HTR2A: variants seen among roughly 807,000 people sequenced by gnomAD.
The protein encoded by HTR2A is 5-HT2 receptor.
Under a neutral mutation model 31.0 loss-of-function variants are expected in HTR2A, and 14 were observed. That is an observed-to-expected ratio of 0.45 (90% confidence interval 0.30 to 0.71). The LOEUF (loss-of-function observed/expected upper bound fraction) is 0.71. HTR2A is among the 30% of genes least tolerant of loss of function. The pLI, the probability that HTR2A is intolerant of heterozygous loss-of-function variation, is 0.09. For synonymous variants in HTR2A, 209 were observed against 225.2 expected (o/e 0.93, Z 0.64); for missense variants, 442 against 573.3 (o/e 0.77, Z 2.34).
chr13:46,858,303 C>T (rs565613993), intron 3 of HTR2A, among the ~76,000 whole-genome samples: 3 of 152,002 alleles, frequency 2.0e-5, no homozygotes, highest in Non-Finnish European at 2.9e-5. Context: ...TCAGGCAGCT[C>T]TCAGGGCAAG....
At position 46,896,206 on chromosome 13, in the gene HTR2A, T is replaced by C. The variant is rs1951103612; in HGVS notation, c.-300A>G. 8.6e-7 allele frequency: 1 copy of C among 1,158,736 alleles called. No individual in the cohort carries two copies. The highest frequency in any genetic ancestry group is 1.1e-6 in the Non-Finnish European group (1 of 942,424). 71.8% of individuals were successfully genotyped at this position (1,158,736 alleles called of 1,614,324 possible). On this transcript the variant is annotated 5_prime_UTR_variant, in exon 2 of 4. Coordinates refer to ENST00000542664, the MANE Select transcript of HTR2A (RefSeq NM_000621.5). ...CTTTTAGCATAGAGGTTGCAGGGTT[T>C]TTTTTGAGCGCTCGGGAAGATAAAT...
Position 46,835,167 on chromosome 13 carries a change from G to A in HTR2A, c.1086C>T (p.Leu362=). ...GATAACCGATCCAAACAAACACATT[G>A]AGCAGGGCCCCAATGACATCCTCAT... ...SCNEDVIGAL[L]NVFVWIGYLS... is the part of the protein sequence containing the mutation. Residue 362 remains leucine (L), a synonymous_variant, in exon 4 of 4, where the codon CTC becomes CTT. Transcript: ENST00000542664. The A allele has an allele frequency of 6.2e-7, 1 of 1,614,100 alleles. No individual in the cohort carries two copies. Among genetic ancestry groups the A allele is most frequent in the Non-Finnish European group, 8.5e-7 (1 of 1,179,982 alleles).
At chr13:46,888,427 A>T (rs1414132516) in intron 3 of HTR2A, among the ~76,000 whole-genome samples, 3 of 152,050 alleles carry the variant, frequency 2.0e-5, no homozygotes, top group Admixed American at 2.0e-4. Flanking sequence ...TACAAACAAA[A>T]AATATAAGCC....
chr13:46,865,524 C>T (rs1450419340), intron 3 of HTR2A, among the ~76,000 whole-genome samples: 2 of 152,154 alleles, frequency 1.3e-5, no homozygotes, highest in African/African-American at 4.8e-5. Flanking sequence ...AGATGCTGAC[C>T]TAAACCAGTC....
intron 3 of HTR2A, among the ~76,000 whole-genome samples, chr13:46,867,878 C>T (rs1422280147): frequency 6.6e-6 from 1 of 152,122 alleles, no homozygotes; most frequent in Non-Finnish European, 1.5e-5. Context: ...CAAAACCTGC[C>T]TTTAAGTCTT....
chr13:46,845,656 A>AG (rs951090695), intron 3 of HTR2A, among the ~76,000 whole-genome samples: 26 of 151,124 alleles, frequency 1.7e-4, no homozygotes, highest in African/African-American at 6.1e-4. Context: ...AAAAAAAAAA[A>AG]AAAAGAAAAA....
Position 46,896,887 on chromosome 13 carries a change from ACGGCT to A in HTR2A, c.-547_-543del, listed in dbSNP as rs1325526957. Reference sequence around the variant, plus strand: ...TAGGATCCTGTTGGCTTCCTCTGGCACGGCTCGGCTGGGTTCCTCCCTCCCTGTGC... The same window carrying A: ...TAGGATCCTGTTGGCTTCCTCTGGCACGGCTGGGTTCCTCCCTCCCTGTGC... On this transcript the variant is annotated 5_prime_UTR_variant, in exon 1 of 4. The change creates a premature stop within an existing upstream ORF in the 5' untranslated region. Transcript: ENST00000542664. The A allele has an allele frequency of 6.7e-7, 1 of 1,496,220 alleles. No individual in the cohort carries two copies. The highest frequency in any genetic ancestry group is 9.0e-7 in the Non-Finnish European group (1 of 1,114,552). The allele number at this position is 1,496,220 out of a possible 1,614,324, so 92.7% of individuals were successfully genotyped here. A position where few individuals can be genotyped will look rare whatever the true frequency, so the allele number is the denominator to read the frequency against.
rs999896465 is a variant in HTR2A, at chr13:46,888,469, T to TG, written c.613+3920dup. Among the ~76,000 whole-genome samples, 83 of 69,672 alleles carry TG rather than the reference T, an allele frequency of 1.2e-3. 1 individual carries two copies. Among genetic ancestry groups the TG allele is most frequent in the African/African-American group, 4.2e-3 (67 of 16,018 alleles). The allele number at this position is 69,672 out of a possible 152,430, so 45.7% of individuals were successfully genotyped here. On this transcript the variant is annotated intron_variant, in intron 3 of 3. Transcript: ENST00000542664. ...GTTGGATTTGCCACCTATGAAGTGC[T>TG]GAAAAAAAAAAAAGATGACTGTCAA...
intron 3 of HTR2A, among the ~76,000 whole-genome samples, chr13:46,864,351 T>C (rs577336440): frequency 6.6e-6 from 1 of 152,322 alleles, no homozygotes; most frequent in African/African-American, 2.4e-5. Flanking sequence ...ACTTGTGCCA[T>C]GACACAAGTT....
Position 46,831,748 on chromosome 13 carries a change from T to C in HTR2A, c.*3089A>G, listed in dbSNP as rs973308250. ...TGCTGAAAGCAGTACAGTGACTTAG[T>C]TCAATTTGGCTACGGTAGCACTTTA... On this transcript the variant is annotated 3_prime_UTR_variant, in exon 4 of 4. Transcript: ENST00000542664. 2 of 152,356 alleles carry C rather than the reference T, an allele frequency of 1.3e-5. No homozygotes were observed. Among genetic ancestry groups the C allele is most frequent in the East Asian group, 1.9e-4 (1 of 5,190 alleles). 9.4% of individuals were successfully genotyped at this position (152,356 alleles called of 1,614,324 possible).
chr13:46,896,437 T>G (rs1041091067), intron 1 of HTR2A, among the ~76,000 whole-genome samples: 1 of 152,226 alleles, frequency 6.6e-6, no homozygotes, highest in Non-Finnish European at 1.5e-5. Flanking sequence ...TTGGATGTAC[T>G]TTGGGTTACA....
rs760992919 is a variant in HTR2A at position 46,835,335 on chromosome 13, G to T, written c.918C>A (p.Tyr306Ter). The T allele has an allele frequency of 1.2e-6, 2 of 1,614,124 alleles. No homozygotes were observed. Among genetic ancestry groups the T allele is most frequent in the Non-Finnish European group, 1.7e-6 (2 of 1,180,010 alleles). ...QRSIHREPGS[Y>*]TGRRTMQSIS... is the part of the protein sequence containing the mutation. ...TGGACTGCATAGTCCTCCTGCCTGT[G>T]TAGGACCCTGGCTCCCTATGGATCG... The change falls in exon 4 of 4, where the codon TAC becomes TAA. Residue 306 changes from tyrosine (Y) to a stop codon, truncating the protein, a stop_gained. Transcript: ENST00000542664. LOFTEE classifies it high-confidence loss of function.
At chr13:46,859,429 T>C (rs1950764094) in intron 3 of HTR2A, among the ~76,000 whole-genome samples, 1 of 152,184 alleles carries the variant, frequency 6.6e-6, no homozygotes, top group Non-Finnish European at 1.5e-5. Context: ...GATTATAAGG[T>C]CCTTCAGGGT....
At chr13:46,893,743 C>T (rs78278527) in intron 2 of HTR2A, among the ~76,000 whole-genome samples, 10,224 of 152,188 alleles carry the variant, frequency 0.067, 404 homozygotes, top group African/African-American at 0.11. Context: ...GTTATGTAAA[C>T]CTTAATTAGT....
Position 46,873,653 on chromosome 13 carries a change from G to T in HTR2A, c.613+18737C>A, listed in dbSNP as rs529949983. Among the ~76,000 whole-genome samples the T allele has an allele frequency of 3.8e-4, 57 of 151,878 alleles. No homozygotes were observed. The East Asian group carries it at 0.011, about 28-fold the overall frequency. On this transcript the variant is annotated intron_variant, in intron 3 of 3. Transcript: ENST00000542664. ...GATGTTCCCCTTCCTGTGTCCATGT[G>T]TTCTCATTGTTCAATTCCCACCTAT...
chr13:46,846,718 G>A (rs537527857), intron 3 of HTR2A, among the ~76,000 whole-genome samples: 1 of 152,294 alleles, frequency 6.6e-6, no homozygotes, highest in East Asian at 1.9e-4. Flanking sequence ...ACAGAACAAG[G>A]ACAAAAGAGA....
rs1295715779 is a variant in HTR2A, at chr13:46,895,830, C to T, written c.77G>A (p.Arg26Lys). The T allele has an allele frequency of 1.2e-6, 2 of 1,614,098 alleles. No homozygotes were observed. The highest frequency in any genetic ancestry group is 1.7e-6 in the Non-Finnish European group (2 of 1,180,006). Residue 26 changes from arginine (R) to lysine (K), a missense_variant, in exon 2 of 4, where the codon AGG becomes AAG. Arg to Lys is a conservative substitution (Grantham distance 26). Coordinates refer to ENST00000542664, the MANE Select transcript of HTR2A (RefSeq NM_000621.5). This position sits in a 1 kb window ranked among gnomAD's most constrained non-coding sequence, Gnocchi z 4.4. ...NSLMQLNDDTRLYSNDFNSGE... is the reference protein window; with the variant it reads ...NSLMQLNDDTKLYSNDFNSGE... ...GGAGTTAAAGTCATTACTGTAGAGC[C>T]TGGTGTCATCATTTAATTGCATTAG...
At chr13:46,878,321 G>C (rs1354540757) in intron 3 of HTR2A, among the ~76,000 whole-genome samples, 1 of 152,176 alleles carries the variant, frequency 6.6e-6, no homozygotes, top group Non-Finnish European at 1.5e-5. Context: ...GGAATTCTGT[G>C]AGTCTAATGG....
At chr13:46,881,053 A>G (rs1215901260) in intron 3 of HTR2A, among the ~76,000 whole-genome samples, 2 of 152,214 alleles carry the variant, frequency 1.3e-5, no homozygotes, top group African/African-American at 4.8e-5. Flanking sequence ...GGGTCATTAA[A>G]TGACTTCTTA....
Sources: allele counts gnomAD v4.1 joint callset (sites outside exome capture counted in the v4.1 genomes callset), GRCh38; gene constraint gnomAD v4.1.1; non-coding constraint Gnocchi (gnomAD v3.1); transcripts MANE v1.5; gene names NCBI Gene and HGNC (gene_info 2026-07-23, HGNC 2026-07-21).